KCNH7: variants seen among roughly 807,000 people sequenced by gnomAD.
KCNH7 encodes voltage-gated inwardly rectifying potassium channel KCNH7.
KCNH7 carries 49 observed loss-of-function variants against 120.8 expected under a neutral mutation model. The observed-to-expected ratio is 0.41, with a 90% CI of 0.32 to 0.51. KCNH7 has a LOEUF of 0.51. KCNH7 is among the 20% of genes least tolerant of loss of function. KCNH7 has a pLI of 0.38. For missense variants in KCNH7, 1,097 were observed against 1,446.6 expected (o/e 0.76, Z 3.92); for synonymous variants, 547 against 516.1 (o/e 1.06, Z -0.81).
At chr2:162,636,680 AT>A (rs1363775024) in intron 2 of KCNH7, among the ~76,000 whole-genome samples, 2 of 152,080 alleles carry the variant, frequency 1.3e-5, no homozygotes, top group Non-Finnish European at 2.9e-5. Flanking sequence ...GCTTTTAGGT[AT>A]TTTTTCACAC....
chr2:162,622,780 G>A (rs978231790), intron 2 of KCNH7, among the ~76,000 whole-genome samples: 7 of 152,036 alleles, frequency 4.6e-5, no homozygotes, highest in East Asian at 1.9e-4. Context: ...ACAAATGTCC[G>A]AAGAATAAAA....
chr2:162,677,546 T>G (rs1475974433), intron 2 of KCNH7, among the ~76,000 whole-genome samples: 1 of 151,508 alleles, frequency 6.6e-6, no homozygotes, highest in Admixed American at 6.6e-5. Context: ...CATATAATAT[T>G]CCACAGTATA....
intron 2 of KCNH7, among the ~76,000 whole-genome samples, chr2:162,666,151 T>G (rs1188472563): frequency 6.6e-6 from 1 of 152,114 alleles, no homozygotes; most frequent in African/African-American, 2.4e-5. Context: ...AGAAGGCAAC[T>G]AAACTTAAAC....
chr2:162,562,595 A>G (rs1480829697), intron 2 of KCNH7, among the ~76,000 whole-genome samples: 1 of 152,200 alleles, frequency 6.6e-6, no homozygotes, highest in African/African-American at 2.4e-5. Flanking sequence ...ACGACTGAGC[A>G]TGGGAGGTGA....
At chr2:162,828,784 A>C (rs959549772) in intron 2 of KCNH7, among the ~76,000 whole-genome samples, 6 of 152,092 alleles carry the variant, frequency 3.9e-5, no homozygotes, top group Admixed American at 2.0e-4. Flanking sequence ...AAATGAGCCA[A>C]CTAAAGGCAG....
rs142134241 is a variant in KCNH7, at chr2:162,473,528, A to C, written c.1129-27085T>G. Among the ~76,000 whole-genome samples the C allele has an allele frequency of 6.9e-3, 1,054 of 152,340 alleles. 9 individuals carry two copies. Among genetic ancestry groups the C allele is most frequent in the African/African-American group, 0.022 (910 of 41,574 alleles). On this transcript the variant is annotated intron_variant, in intron 6 of 15. Coordinates refer to ENST00000332142, the MANE Select transcript of KCNH7 (RefSeq NM_033272.4). ...AATCAGGACTTGAGGTGAGGGAATGAGTAAGTGGGTGTCAGAAGTAGGATG... is the reference window on the plus strand; with the variant it reads ...AATCAGGACTTGAGGTGAGGGAATGCGTAAGTGGGTGTCAGAAGTAGGATG...
intron 13 of KCNH7, among the ~76,000 whole-genome samples, chr2:162,383,012 T>G (rs577197471): frequency 3.9e-5 from 6 of 152,114 alleles, no homozygotes; most frequent in Non-Finnish European, 8.8e-5. Flanking sequence ...GAATATAATT[T>G]TTTGTGTTTA....
chr2:162,406,436 T>A (rs1687225771), intron 9 of KCNH7, among the ~76,000 whole-genome samples: 1 of 151,974 alleles, frequency 6.6e-6, no homozygotes, highest in South Asian at 2.1e-4. Context: ...ATTTAGGAAG[T>A]CTGAGTGTGG....
chr2:162,640,170 A>C (rs2105235016), intron 2 of KCNH7, among the ~76,000 whole-genome samples: 1 of 152,294 alleles, frequency 6.6e-6, no homozygotes, highest in South Asian at 2.1e-4. Context: ...TCCCAGCAAA[A>C]TATTTTTTAT....
In KCNH7 at chr2:162,418,578, A is replaced by G. The variant is rs78093989; in HGVS notation, c.2154+4758T>C. 3.8e-3 allele frequency among the ~76,000 whole-genome samples: 583 copies of G among 152,258 alleles called. 6 individuals carry two copies. Among genetic ancestry groups the G allele is most frequent in the African/African-American group, 0.014 (565 of 41,550 alleles). On this transcript the variant is annotated intron_variant, in intron 9 of 15. Transcript: ENST00000332142. ...TTATACTTCGCTATGGTGTATCAAA[A>G]CACTCCACAATCTAAATATAAAGGT...
chr2:162,811,697 A>G (rs1441881907), intron 2 of KCNH7, among the ~76,000 whole-genome samples: 1 of 152,190 alleles, frequency 6.6e-6, no homozygotes, highest in Non-Finnish European at 1.5e-5. Flanking sequence ...TCAGCAGAGG[A>G]TTAGGGGTCA....
chr2:162,378,783 A>G (rs963845320), intron 14 of KCNH7, among the ~76,000 whole-genome samples: 3 of 152,204 alleles, frequency 2.0e-5, no homozygotes, highest in Admixed American at 2.0e-4. Flanking sequence ...CGAAAGGCTA[A>G]TGAAACACAT....
intron 2 of KCNH7, among the ~76,000 whole-genome samples, chr2:162,580,875 A>G (rs190540733): frequency 3.3e-5 from 5 of 152,076 alleles, no homozygotes. Context: ...CATAATTCCT[A>G]GATAGAAATA....
chr2:162,577,442 A>C (rs1270305296), intron 2 of KCNH7, among the ~76,000 whole-genome samples: 1 of 151,640 alleles, frequency 6.6e-6, no homozygotes, highest in African/African-American at 2.4e-5. Context: ...AAAATCAAGG[A>C]AATCATCTAT....
chr2:162,596,554 C>T lies in KCNH7; in HGVS notation c.308-59474G>A, dbSNP rs147430350. 6.1e-4 allele frequency among the ~76,000 whole-genome samples: 92 copies of T among 151,922 alleles called. 3 individuals are homozygous for T. The highest frequency in any genetic ancestry group is 2.1e-3 in the African/African-American group (87 of 41,480). On this transcript the variant is annotated intron_variant, in intron 2 of 15. Transcript: ENST00000332142. Reference sequence around the variant, plus strand: ...ATGTCACCTCTTACACAAGAATCACCCAAAATGAATTAAAGCCTTAAGTGT... The same window carrying T: ...ATGTCACCTCTTACACAAGAATCACTCAAAATGAATTAAAGCCTTAAGTGT...
At chr2:162,700,827 C>A (rs1015089187) in intron 2 of KCNH7, among the ~76,000 whole-genome samples, 6 of 152,160 alleles carry the variant, frequency 3.9e-5, no homozygotes, top group Admixed American at 6.6e-5. Context: ...ATTTAGATTT[C>A]TTTTCCCCTG....
chr2:162,505,318 T>A (rs16846776), intron 5 of KCNH7, among the ~76,000 whole-genome samples: 5,658 of 152,048 alleles, frequency 0.037, 407 homozygotes, highest in Admixed American at 0.18. Context: ...ATCCTTTTTT[T>A]TCTTTCACTT....
At chr2:162,787,278 C>T (rs1209624552) in intron 2 of KCNH7, among the ~76,000 whole-genome samples, 2 of 152,200 alleles carry the variant, frequency 1.3e-5, no homozygotes, top group African/African-American at 4.8e-5. Context: ...ACTCCCCAGA[C>T]TCAGGCTCCA....
At chr2:162,679,826 C>T (rs1000413054) in intron 2 of KCNH7, among the ~76,000 whole-genome samples, 1 of 151,670 alleles carries the variant, frequency 6.6e-6, no homozygotes, top group Non-Finnish European at 1.5e-5. Flanking sequence ...ACTTGGCCTT[C>T]TGAAACATCT....
Sources: gnomAD v4.1 joint callset for allele counts (sites outside exome capture counted in the v4.1 genomes callset) on GRCh38, gnomAD v4.1.1 for gene constraint, MANE v1.5 for transcripts, NCBI Gene and HGNC (gene_info 2026-07-23, HGNC 2026-07-21) for gene names.